Variants in KIF25 observed in about 807,000 individuals in gnomAD.
The protein encoded by KIF25 is kinesin-like protein KIF25.
Under a neutral mutation model 32.9 loss-of-function variants are expected in KIF25, and 19 were observed. The ratio of observed to expected loss-of-function variants is 0.58; its 90% CI spans 0.40 to 0.85. KIF25 has a LOEUF of 0.85. KIF25 is among the 40% of genes least tolerant of loss of function. The pLI is 0.00. For missense variants in KIF25, 485 were observed against 507.0 expected (o/e 0.96, Z 0.42); for synonymous variants, 225 against 213.7 (o/e 1.05, Z -0.46).
chr6:168,026,341 G>A (rs948298039), intron 5 of KIF25, among the ~76,000 whole-genome samples: 8 of 152,340 alleles, frequency 5.3e-5, no homozygotes, highest in African/African-American at 1.9e-4. Context: ...TGTGCTGTTA[G>A]AAGTGAACAG....
intron 8 of KIF25, chr6:168,035,723 G>A (rs962188879): frequency 2.2e-6 from 1 of 456,158 alleles, no homozygotes; most frequent in South Asian, 1.5e-5. Context: ...AGTCTCGGGT[G>A]CTGTGCGTCT....
chr6:168,043,278 C>T (rs1481862372), intron 12 of KIF25, among the ~76,000 whole-genome samples: 2 of 152,178 alleles, frequency 1.3e-5, no homozygotes, highest in Admixed American at 1.3e-4. Context: ...AGGGAGGACC[C>T]GAGGAAGCAT....
chr6:168,026,673 A>G (rs1032736117), intron 5 of KIF25, among the ~76,000 whole-genome samples: 1 of 152,208 alleles, frequency 6.6e-6, no homozygotes, highest in African/African-American at 2.4e-5. Context: ...AAAAATATTA[A>G]TAGGTCCAGG....
rs1303540113 is a variant in KIF25 at position 168,045,055 on chromosome 6, A to G, written c.*59A>G. On this transcript the variant is annotated 3_prime_UTR_variant, in exon 13 of 13. Coordinates refer to ENST00000643607, the MANE Select transcript of KIF25 (RefSeq NM_030615.4). The stretch of plus-strand genomic sequence containing the variant: ...TTCTTGTCCTTGCTTTATAATGCAT[A>G]TGTGCTTAGAAATAAACAGGTTTCA... 2.7e-6 allele frequency: 4 copies of G among 1,481,702 alleles called. No individual in the cohort carries two copies. Among genetic ancestry groups the G allele is most frequent in the Non-Finnish European group, 3.6e-6 (4 of 1,097,864 alleles). The allele number at this position is 1,481,702 out of a possible 1,614,324, so 91.8% of individuals were successfully genotyped here. A position where few individuals can be genotyped will look rare whatever the true frequency, so the allele number is the denominator to read the frequency against.
chr6:168,018,671 C>G (rs188733408), intron 5 of KIF25, among the ~76,000 whole-genome samples: 1 of 152,292 alleles, frequency 6.6e-6, no homozygotes, highest in East Asian at 1.9e-4. Flanking sequence ...GGTAGGAGAG[C>G]CCCGGAAGGC....
At chr6:168,024,452 T>TG (rs1447381194) in intron 5 of KIF25, among the ~76,000 whole-genome samples, 2 of 135,556 alleles carry the variant, frequency 1.5e-5, no homozygotes, top group Non-Finnish European at 3.2e-5. Context: ...TTTTTTTTTT[T>TG]TACTGTGCTT....
rs943886136 is a variant in KIF25 at position 168,017,970 on chromosome 6, C to T, written c.-162-3C>T. On this transcript the variant is annotated splice_polypyrimidine_tract_variant and splice_region_variant and intron_variant, in intron 4 of 12. Coordinates refer to ENST00000643607, the MANE Select transcript of KIF25 (RefSeq NM_030615.4). ...ATGACGTCGTTTTACTCTTTTCTCT[C>T]AGGAAACAATTCTGGTGAAATGTGA... is the stretch of plus-strand genomic sequence containing the variant. 2 of 152,564 alleles carry T rather than the reference C, an allele frequency of 1.3e-5. No homozygotes were observed. Among genetic ancestry groups the T allele is most frequent in the Admixed American group, 1.3e-4 (2 of 15,278 alleles). 9.5% of individuals were successfully genotyped at this position (152,564 alleles called of 1,614,324 possible). A position where few individuals can be genotyped will look rare whatever the true frequency, so the allele number is the denominator to read the frequency against.
chr6:168,002,624 T>G lies in KIF25; in HGVS notation c.-288T>G, dbSNP rs1192367056. The G allele has an allele frequency of 1.3e-5, 2 of 152,206 alleles. No homozygotes were observed. Among genetic ancestry groups the G allele is most frequent in the African/African-American group, 4.8e-5 (2 of 41,450 alleles). The allele number at this position is 152,206 out of a possible 1,614,324, so 9.4% of individuals were successfully genotyped here. A position where few individuals can be genotyped will look rare whatever the true frequency, so the allele number is the denominator to read the frequency against. ...TCTTCTAGATCAGTGGTCCCCAACC[T>G]TTTTGGCATCAGGGACCAGCTTCCT... is the stretch of plus-strand genomic sequence containing the variant. On this transcript the variant is annotated 5_prime_UTR_variant, in exon 3 of 13. Transcript: ENST00000643607.
chr6:168,034,146 C>A, intron 8 of KIF25, 115 bp downstream of exon 8: 1 of 1,048,344 alleles, frequency 9.5e-7, no homozygotes, highest in East Asian at 2.5e-5. Flanking sequence ...GATCAAACCC[C>A]ATAATCTCAT....
chr6:168,028,283 C>T (rs1325124219), intron 5 of KIF25, among the ~76,000 whole-genome samples: 2 of 152,238 alleles, frequency 1.3e-5, no homozygotes, highest in East Asian at 3.9e-4. Flanking sequence ...CTCTTGGGCT[C>T]AAATGATCTG....
chr6:168,001,580 CGTGG>C (rs1316822105), intron 2 of KIF25, among the ~76,000 whole-genome samples: 7 of 54,420 alleles, frequency 1.3e-4, no homozygotes, highest in Non-Finnish European at 3.6e-5. Flanking sequence ...ACACCTGAGG[CGTGG>C]CCTCGGGCAG....
At chr6:168,024,983 A>G (rs371412585) in intron 5 of KIF25, among the ~76,000 whole-genome samples, 25 of 152,310 alleles carry the variant, frequency 1.6e-4, no homozygotes, top group African/African-American at 6.0e-4. Flanking sequence ...CCCGGGAGGC[A>G]GAGGTTGCAG....
chr6:168,003,464 G>T (rs904791226), intron 3 of KIF25, 150 bp from the exon 4 acceptor site: 2 of 149,488 alleles, frequency 1.3e-5, no homozygotes, highest in African/African-American at 2.6e-5. Flanking sequence ...AGAGATGATG[G>T]CAGAGAAGCA....
chr6:168,008,925 T>G (rs1345078610), intron 4 of KIF25, among the ~76,000 whole-genome samples: 2 of 152,198 alleles, frequency 1.3e-5, no homozygotes, highest in African/African-American at 4.8e-5. Flanking sequence ...CATATTAATT[T>G]TGTATCCTGC....
chr6:168,008,741 A>G (rs531221845), intron 4 of KIF25, among the ~76,000 whole-genome samples: 2 of 151,914 alleles, frequency 1.3e-5, no homozygotes, highest in Non-Finnish European at 2.9e-5. Context: ...ATCCTCTTCA[A>G]TTTCTTTCAT....
At position 168,042,645 on chromosome 6, in the gene KIF25, C is replaced by T. The variant is rs1465664543; in HGVS notation, c.914C>T (p.Ala305Val). ...SLAALAGVLG[A>V]LLEHRGHAPY... ...GCGGCCCTGGCAGGCGTCCTGGGGG[C>T]TTTGTTGGAGCACCGTGGCCATGCC... Residue 305 changes from alanine (A) to valine (V), a missense_variant, in exon 12 of 13, where the codon GCT (alanine) becomes GTT (valine). This residue lies in a region of KIF25 where 480 missense variants were observed against 470.3 expected (regional missense o/e 1.02). Coordinates refer to ENST00000643607, the MANE Select transcript of KIF25 (RefSeq NM_030615.4). 1 of 1,613,848 alleles carries T rather than the reference C, an allele frequency of 6.2e-7. No homozygotes were observed. Among genetic ancestry groups the T allele is most frequent in the East Asian group, 2.2e-5 (1 of 44,872 alleles).
intron 7 of KIF25, among the ~76,000 whole-genome samples, chr6:168,032,774 G>C (rs1454857595): frequency 6.6e-6 from 1 of 152,222 alleles, no homozygotes. Context: ...CAGTTGACCA[G>C]TTAAGTCAGA....
chr6:168,038,587 G>A lies in KIF25; in HGVS notation c.352G>A (p.Val118Ile), dbSNP rs750340386. ...ILENTSRSPKVEVSIVEVYNN... is the reference protein window; with the variant it reads ...ILENTSRSPKIEVSIVEVYNN... ...GGAAAATACCTCAAGAAGCCCAAAGGTTGAAGTCTCCATAGTGGAAGTTTA... is the reference window on the plus strand; with the variant it reads ...GGAAAATACCTCAAGAAGCCCAAAGATTGAAGTCTCCATAGTGGAAGTTTA... The change falls in exon 9 of 13, where the codon GTT becomes ATT. Residue 118 changes from valine to isoleucine, a missense_variant. Physicochemically the swap from Val to Ile is conservative, Grantham distance 29. Transcript: ENST00000643607. 6.2e-7 allele frequency: 1 copy of A among 1,614,150 alleles called. No individual in the cohort carries two copies. The highest frequency in any genetic ancestry group is 2.2e-5 in the East Asian group (1 of 44,880).
At chr6:168,015,691 G>A (rs1046303250) in intron 4 of KIF25, among the ~76,000 whole-genome samples, 1 of 152,194 alleles carries the variant, frequency 6.6e-6, no homozygotes, top group Non-Finnish European at 1.5e-5. Flanking sequence ...GAGATTAAGG[G>A]TATTTAGTAT....
Sources: allele counts gnomAD v4.1 joint callset (sites outside exome capture counted in the v4.1 genomes callset), GRCh38; gene constraint gnomAD v4.1.1; regional missense constraint gnomAD v4.1.1; transcripts MANE v1.5; gene names NCBI Gene and HGNC (gene_info 2026-07-23, HGNC 2026-07-21).